CFAP299: variants seen among roughly 807,000 people sequenced by gnomAD.
CFAP299 encodes the protein cilia and flagella associated protein 299, also known as cilia- and flagella-associated protein 299.
CFAP299 carries 21 observed loss-of-function variants against 27.0 expected under a neutral mutation model. That is an observed-to-expected ratio of 0.78 (90% CI 0.55 to 1.12). CFAP299 has a LOEUF of 1.12. CFAP299 is among the 50% of genes most tolerant of loss of function. CFAP299 has a pLI of 0.00. For synonymous variants in CFAP299, 104 were observed against 98.1 expected (o/e 1.06, Z -0.36); for missense variants, 310 against 276.6 (o/e 1.12, Z -0.86).
intron 3 of CFAP299, among the ~76,000 whole-genome samples, chr4:80,741,030 T>A (rs893630860): frequency 6.6e-6 from 1 of 152,204 alleles, no homozygotes; most frequent in Non-Finnish European, 1.5e-5. Context: ...CTTGTTGCTC[T>A]ACCTGACTAT....
intron 2 of CFAP299, among the ~76,000 whole-genome samples, chr4:80,553,946 G>A (rs1047263092): frequency 2.6e-5 from 4 of 152,022 alleles, no homozygotes; most frequent in African/African-American, 7.2e-5. Flanking sequence ...TAGCTTGTCT[G>A]TTTACTCTGT....
intron 3 of CFAP299, among the ~76,000 whole-genome samples, chr4:80,799,770 A>G (rs1388651274): frequency 2.2e-5 from 1 of 45,968 alleles, no homozygotes; most frequent in African/African-American, 8.7e-5. Context: ...TAAATATATT[A>G]TATGATATAT....
At chr4:80,677,184 T>A (rs931436576) in intron 3 of CFAP299, among the ~76,000 whole-genome samples, 1 of 152,078 alleles carries the variant, frequency 6.6e-6, no homozygotes, top group Non-Finnish European at 1.5e-5. Flanking sequence ...TAAAATTTTC[T>A]TCTTTATTTC....
At chr4:80,460,733 C>T (rs533824498) in intron 2 of CFAP299, among the ~76,000 whole-genome samples, 72 of 152,262 alleles carry the variant, frequency 4.7e-4, no homozygotes, top group Non-Finnish European at 8.4e-4. Context: ...CTCTTTCATA[C>T]TTGGTTTGCC....
chr4:80,665,340 G>A (rs1741095327), intron 3 of CFAP299, among the ~76,000 whole-genome samples: 1 of 151,948 alleles, frequency 6.6e-6, no homozygotes, highest in Non-Finnish European at 1.5e-5. Flanking sequence ...ATCCTATTTT[G>A]GGCTGTTGAT....
chr4:80,737,036 C>T (rs1296498706), intron 3 of CFAP299, among the ~76,000 whole-genome samples: 2 of 152,006 alleles, frequency 1.3e-5, no homozygotes, highest in African/African-American at 4.8e-5. Flanking sequence ...AATTGGAAAT[C>T]GTCATTCTCA....
At chr4:80,807,062 T>G (rs1486825775) in intron 3 of CFAP299, among the ~76,000 whole-genome samples, 2 of 152,262 alleles carry the variant, frequency 1.3e-5, no homozygotes, top group East Asian at 3.9e-4. Flanking sequence ...AGATATAAAG[T>G]TGCACTAAGC....
intron 3 of CFAP299, among the ~76,000 whole-genome samples, chr4:80,598,302 T>C (rs1320494354): frequency 6.6e-6 from 1 of 152,228 alleles, no homozygotes; most frequent in East Asian, 1.9e-4. Flanking sequence ...CACAGTGTGC[T>C]ATAGATTCCT....
At chr4:80,414,362 G>A (rs1034699374) in intron 2 of CFAP299, among the ~76,000 whole-genome samples, 2 of 152,018 alleles carry the variant, frequency 1.3e-5, no homozygotes, top group Admixed American at 6.6e-5. Flanking sequence ...GAGCCACCGC[G>A]ACAAATGGGT....
chr4:80,450,914 A>T (rs907522813), intron 2 of CFAP299, among the ~76,000 whole-genome samples: 23 of 143,864 alleles, frequency 1.6e-4, no homozygotes, highest in Admixed American at 3.5e-4. Flanking sequence ...TGTGTGTGAG[A>T]GAGAGAGAGA....
chr4:80,792,681 G>T (rs1364577847), intron 3 of CFAP299, among the ~76,000 whole-genome samples: 8 of 152,044 alleles, frequency 5.3e-5, no homozygotes, highest in Admixed American at 5.3e-4. Flanking sequence ...CATCAACAAA[G>T]TCTGTGCTGA....
intron 2 of CFAP299, chr4:80,387,736 C>T: frequency 6.3e-7 from 1 of 1,585,524 alleles, no homozygotes; most frequent in South Asian, 1.1e-5. Flanking sequence ...TGTGTGGCTT[C>T]AGATGTGCTG....
intron 3 of CFAP299, chr4:80,790,647 C>G (rs541219422): frequency 7.9e-5 from 12 of 152,116 alleles, no homozygotes; most frequent in South Asian, 6.2e-4. Context: ...CACTGGGTTC[C>G]TACTATGCTG....
At chr4:80,687,528 T>C (rs1418631224) in intron 3 of CFAP299, among the ~76,000 whole-genome samples, 1 of 152,122 alleles carries the variant, frequency 6.6e-6, no homozygotes, top group Non-Finnish European at 1.5e-5. Flanking sequence ...GAGATCAGGG[T>C]TTGAGTCTTG....
intron 5 of CFAP299, among the ~76,000 whole-genome samples, chr4:80,951,073 T>A (rs1201157532): frequency 6.6e-6 from 1 of 152,192 alleles, no homozygotes; most frequent in Non-Finnish European, 1.5e-5. Context: ...TGGTGTGATT[T>A]TAGAATTCAA....
chr4:80,646,967 TTG>T (rs1560675566), intron 3 of CFAP299, among the ~76,000 whole-genome samples: 7 of 106,404 alleles, frequency 6.6e-5, no homozygotes, highest in Admixed American at 1.1e-4. Context: ...TTCCAATTCT[TTG>T]AGAGAGAGAG....
At chr4:80,720,942 A>AT (rs2110045478) in intron 3 of CFAP299, among the ~76,000 whole-genome samples, 1 of 152,292 alleles carries the variant, frequency 6.6e-6, no homozygotes, top group Admixed American at 6.5e-5. Flanking sequence ...CCCAAACTGA[A>AT]ATTCTAGAGA....
intron 2 of CFAP299, among the ~76,000 whole-genome samples, chr4:80,423,934 C>T (rs537639903): frequency 5.0e-4 from 76 of 152,306 alleles, no homozygotes; most frequent in African/African-American, 1.8e-3. Context: ...GAGGATCTTT[C>T]ACTGCTGGCT....
intron 3 of CFAP299, among the ~76,000 whole-genome samples, chr4:80,669,879 G>A (rs768494653): frequency 4.0e-5 from 6 of 150,852 alleles, no homozygotes; most frequent in Non-Finnish European, 7.4e-5. Context: ...ACTCATTAAG[G>A]GTTTTTTATT....
Sources: gnomAD v4.1 joint callset for allele counts (sites outside exome capture counted in the v4.1 genomes callset) on GRCh38, gnomAD v4.1.1 for gene constraint, MANE v1.5 for transcripts, NCBI Gene and HGNC (gene_info 2026-07-23, HGNC 2026-07-21) for gene names.